NIPBL: variants seen among roughly 807,000 people sequenced by gnomAD.
The protein encoded by NIPBL is nipped-B-like protein.
NIPBL carries 19 observed loss-of-function variants against 321.8 expected under a neutral mutation model. The observed-to-expected ratio is 0.06, with a 90% CI of 0.04 to 0.09. NIPBL has a LOEUF of 0.09. Ranked by LOEUF, NIPBL falls within the 10% of genes least tolerant of loss-of-function variation. The pLI, the probability that NIPBL is intolerant of heterozygous loss-of-function variation, is 1.00. For missense variants in NIPBL, 2,210 were observed against 3,327.0 expected (o/e 0.66, Z 8.26); for synonymous variants, 1,106 against 1,114.1 (o/e 0.99, Z 0.14).
At chr5:36,947,414 C>G (rs1739809091) in intron 1 of NIPBL, among the ~76,000 whole-genome samples, 1 of 152,014 alleles carries the variant, frequency 6.6e-6, no homozygotes, top group African/African-American at 2.4e-5. Flanking sequence ...CTCCCCCACC[C>G]TATCTTCCTT....
chr5:36,923,888 G>A (rs1454855806), intron 1 of NIPBL, among the ~76,000 whole-genome samples: 1 of 152,156 alleles, frequency 6.6e-6, no homozygotes, highest in Non-Finnish European at 1.5e-5. Context: ...TAAATGGATA[G>A]AGCAAGATGC....
intron 22 of NIPBL, among the ~76,000 whole-genome samples, chr5:37,015,090 T>G (rs1000265030): frequency 1.3e-5 from 2 of 152,116 alleles, no homozygotes; most frequent in African/African-American, 4.8e-5. Context: ...ATAGGAAAGT[T>G]TGTGAAGAGA....
chr5:36,986,364 G>C, intron 10 of NIPBL, 63 bp downstream of exon 10: 4 of 1,116,334 alleles, frequency 3.6e-6, no homozygotes, highest in Non-Finnish European at 4.7e-6. Context: ...AGATTACTAA[G>C]TTTTAAAAAG....
Position 37,017,035 on chromosome 5 carries a change from A to G in NIPBL, c.4793A>G (p.Asn1598Ser), listed in dbSNP as rs374279126. 2 of 1,608,392 alleles carry G rather than the reference A, an allele frequency of 1.2e-6. No individual in the cohort carries two copies. Among genetic ancestry groups the G allele is most frequent in the Non-Finnish European group, 1.7e-6 (2 of 1,176,456 alleles). The change falls in exon 24 of 47, where the codon AAC (asparagine) becomes AGC (serine). Residue 1598 changes from asparagine (N) to serine (S), a missense_variant. Around this residue, in one of 14 missense-constraint regions of NIPBL, gnomAD observed 28 missense variants for 91.3 expected, o/e 0.31. Transcript: ENST00000282516. ...LGRLLVHQFS[N>S]KSTEMALRVA... Reference sequence around the variant, plus strand: ...GATATTTAGGTTCATCAGTTCAGTAACAAGTCAACAGAGATGGCTTTAAGA... The same window carrying G: ...GATATTTAGGTTCATCAGTTCAGTAGCAAGTCAACAGAGATGGCTTTAAGA...
chr5:37,010,196 T>C lies in NIPBL; in HGVS notation c.4531T>C (p.Ser1511Pro), dbSNP rs1007456412. The C allele has an allele frequency of 1.9e-6, 3 of 1,610,654 alleles. No homozygotes were observed. The highest frequency in any genetic ancestry group is 1.7e-6 in the Non-Finnish European group (2 of 1,177,006). The change falls in exon 21 of 47, where the codon TCT becomes CCT. Residue 1511 changes from serine (S) to proline (P), a missense_variant. Around this residue, in one of 14 missense-constraint regions of NIPBL, gnomAD observed 381 missense variants for 642.3 expected, o/e 0.59. Transcript: ENST00000282516. ...ACACTTACCATCATCAGAGAAGGAC[T>C]CTAATGCAGAAGAAGATTCAAATAA... ...VVHLPSSEKD[S>P]NAEEDSNKKI... is the part of the protein sequence containing the mutation.
chr5:37,015,946 A>G (rs1279860564), intron 22 of NIPBL, 92 bp from the exon 23 acceptor site: 2 of 1,299,808 alleles, frequency 1.5e-6, no homozygotes, highest in South Asian at 1.2e-5. Flanking sequence ...GAAAAAAGAA[A>G]ACTTAGCTAA....
At chr5:37,031,455 A>G (rs1240174407) in intron 32 of NIPBL, among the ~76,000 whole-genome samples, 1 of 152,196 alleles carries the variant, frequency 6.6e-6, no homozygotes, top group Non-Finnish European at 1.5e-5. Flanking sequence ...ACTACCATAA[A>G]TTGAGTAGCC....
chr5:36,925,588 C>T (rs1333170716), intron 1 of NIPBL, among the ~76,000 whole-genome samples: 1 of 152,088 alleles, frequency 6.6e-6, no homozygotes, highest in Non-Finnish European at 1.5e-5. Flanking sequence ...TTTAAAATAA[C>T]TCTGAGGTAG....
At chr5:36,964,432 T>C (rs893754596) in intron 6 of NIPBL, among the ~76,000 whole-genome samples, 2 of 152,042 alleles carry the variant, frequency 1.3e-5, no homozygotes, top group Non-Finnish European at 2.9e-5. Flanking sequence ...AATCCAGATA[T>C]AAATACAGAT....
At chr5:36,929,121 G>A (rs1580256189) in intron 1 of NIPBL, among the ~76,000 whole-genome samples, 1 of 152,266 alleles carries the variant, frequency 6.6e-6, no homozygotes, top group African/African-American at 2.4e-5. Flanking sequence ...TCTACCAGCA[G>A]TGTGTAAGGG....
intron 1 of NIPBL, among the ~76,000 whole-genome samples, chr5:36,920,046 A>C (rs1007404991): frequency 3.9e-5 from 6 of 152,306 alleles, no homozygotes; most frequent in African/African-American, 1.4e-4. Flanking sequence ...CAGGATAGAA[A>C]TACTCATTTT....
intron 42 of NIPBL, among the ~76,000 whole-genome samples, chr5:37,055,621 C>G (rs1303722224): frequency 6.6e-6 from 1 of 151,950 alleles, no homozygotes; most frequent in Non-Finnish European, 1.5e-5. Flanking sequence ...TAGTCAGATG[C>G]TACTGAGAAG....
intron 32 of NIPBL, among the ~76,000 whole-genome samples, chr5:37,032,643 C>A (rs191127067): frequency 1.8e-4 from 27 of 152,144 alleles, no homozygotes; most frequent in African/African-American, 6.3e-4. Context: ...GGCATTGTGG[C>A]CTGTGCCTGT....
At chr5:37,029,668 C>T (rs773506195) in intron 32 of NIPBL, among the ~76,000 whole-genome samples, 20 of 152,156 alleles carry the variant, frequency 1.3e-4, no homozygotes, top group Non-Finnish European at 2.5e-4. Context: ...TCATTTCCAC[C>T]ATCAGTGTAT....
chr5:36,956,441 A>G (rs1740956443), intron 3 of NIPBL, among the ~76,000 whole-genome samples: 1 of 152,008 alleles, frequency 6.6e-6, no homozygotes, highest in Non-Finnish European at 1.5e-5. Context: ...AGATATCTAC[A>G]TTAGATGCGG....
chr5:37,042,894 C>CGT (rs1190297774), intron 34 of NIPBL, among the ~76,000 whole-genome samples: 1 of 115,452 alleles, frequency 8.7e-6, no homozygotes, highest in African/African-American at 3.1e-5. Context: ...ACTACACACA[C>CGT]GCGCGCACAC....
intron 1 of NIPBL, among the ~76,000 whole-genome samples, chr5:36,921,385 T>C (rs1034259652): frequency 7.2e-5 from 11 of 152,212 alleles, no homozygotes; most frequent in African/African-American, 2.4e-4. Context: ...GTTATACTAC[T>C]CACACTAAAG....
chr5:36,905,751 G>GT (rs1333627955), intron 1 of NIPBL, among the ~76,000 whole-genome samples: 2,142 of 147,478 alleles, frequency 0.015, 36 homozygotes, highest in African/African-American at 0.046. Flanking sequence ...TTGTTTTTGT[G>GT]TTTTTTTTTT....
chr5:37,044,280 C>T (rs2149730610), intron 34 of NIPBL, 67 bp from the exon 35 acceptor site: 14 of 1,441,278 alleles, frequency 9.7e-6, no homozygotes, highest in East Asian at 2.4e-5. Flanking sequence ...CCCCCAAATA[C>T]GTAAAGCTGT....
Sources: gnomAD v4.1 joint callset for allele counts (sites outside exome capture counted in the v4.1 genomes callset) on GRCh38, gnomAD v4.1.1 for gene constraint, gnomAD v4.1.1 regional missense constraint, MANE v1.5 for transcripts, NCBI Gene and HGNC (gene_info 2026-07-23, HGNC 2026-07-21) for gene names.